EPS8L2: variants seen among roughly 807,000 people sequenced by gnomAD.
EPS8L2 encodes EPS8 signaling adaptor L2.
EPS8L2 carries 81 observed loss-of-function variants against 99.4 expected under a neutral mutation model. The ratio of observed to expected loss-of-function variants is 0.82; its 90% CI spans 0.68 to 0.98. EPS8L2 has a LOEUF of 0.98. Among genes scored for constraint, EPS8L2 ranks in the 50% least tolerant of loss-of-function variants. EPS8L2 has a pLI of 0.00. For missense variants in EPS8L2, 1,155 were observed against 968.8 expected (o/e 1.19, Z -2.55); for synonymous variants, 509 against 407.3 (o/e 1.25, Z -3.01).
chr11:712,212 G>A (rs1420775200), intron 4 of EPS8L2, among the ~76,000 whole-genome samples: 2 of 151,932 alleles, frequency 1.3e-5, no homozygotes, highest in Admixed American at 6.6e-5. Context: ...CTAGAACCCG[G>A]GAAATGGAGG....
rs140531269 is a variant in EPS8L2, at chr11:719,983, C to T, written c.166-79C>T. 6.2e-5 allele frequency: 91 copies of T among 1,466,540 alleles called. 1 individual carries two copies. In the African/African-American group the frequency reaches 1.2e-3, roughly 19 times the overall value. 90.8% of individuals were successfully genotyped at this position (1,466,540 alleles called of 1,614,324 possible). ...AGGGTTGGCTGTGGCCCCTCAGCCCCTCAGGCTGTGGCCCCTGGGGGCTGG... is the reference window on the plus strand; with the variant it reads ...AGGGTTGGCTGTGGCCCCTCAGCCCTTCAGGCTGTGGCCCCTGGGGGCTGG... On this transcript the variant is annotated intron_variant, in intron 4 of 20. Coordinates refer to ENST00000318562, the MANE Select transcript of EPS8L2 (RefSeq NM_022772.4).
chr11:720,978 G>GCCGGCAGGGGCGGGGGGGGGC, intron 7 of EPS8L2, 69 bp downstream of exon 7: 1 of 1,097,672 alleles, frequency 9.1e-7, no homozygotes, highest in Non-Finnish European at 1.2e-6. Context: ...GAGGGGAGGA[G>GCCGGCAGGGGCGGGGGGGGGC]CCGGCAGGGG....
intron 14 of EPS8L2, 41 bp from the exon 15 acceptor site, chr11:723,200 C>A: frequency 9.0e-7 from 1 of 1,114,570 alleles, no homozygotes; most frequent in Non-Finnish European, 1.3e-6. Flanking sequence ...GGGACCCAGC[C>A]CCGCCCCATG....
At chr11:712,583 T>G (rs12271688) in intron 4 of EPS8L2, among the ~76,000 whole-genome samples, 6,677 of 152,300 alleles carry the variant, frequency 0.044, 212 homozygotes, top group African/African-American at 0.091. Flanking sequence ...TGGGTCCTCC[T>G]GCAGGACCAG....
At chr11:718,986 GAC>G (rs1195663676) in intron 4 of EPS8L2, among the ~76,000 whole-genome samples, 1 of 128,522 alleles carries the variant, frequency 7.8e-6, no homozygotes, top group East Asian at 2.3e-4. Context: ...TTTTTTTTGA[GAC>G]AGAGTCTTCC....
At chr11:723,063 G>A (rs1293430952) in intron 14 of EPS8L2, among the ~76,000 whole-genome samples, 178 bp from the exon 15 acceptor site, 1 of 125,668 alleles carries the variant, frequency 8.0e-6, no homozygotes, top group Admixed American at 8.2e-5. Context: ...CCACAGCTCA[G>A]CTGCCCCTAG....
In EPS8L2 at chr11:721,582, C is replaced by T. The variant is rs1862174779; in HGVS notation, c.786C>T (p.Ala262=). ...IEKETQILNC[A]LDDIEWFVAR... Reference sequence around the variant, plus strand: ...GACCCCAGCAAATCCTCAACTGCGCCCTGGACGACATCGAGTGGTTTGTGG... The same window carrying T: ...GACCCCAGCAAATCCTCAACTGCGCTCTGGACGACATCGAGTGGTTTGTGG... Residue 262 remains alanine, a synonymous_variant, in exon 10 of 21, where the codon GCC becomes GCT. Coordinates refer to ENST00000318562, the MANE Select transcript of EPS8L2 (RefSeq NM_022772.4). 1 of 1,566,962 alleles carries T rather than the reference C, an allele frequency of 6.4e-7. No individual in the cohort carries two copies. Among genetic ancestry groups the T allele is most frequent in the Non-Finnish European group, 8.6e-7 (1 of 1,160,756 alleles).
In EPS8L2 at chr11:724,754, G is replaced by A. The variant is rs1242041758; in HGVS notation, c.1485G>A (p.Lys495=). ...ACCAGCCAACACCAGCCATGGCCAAGTACGTCAAGATCCTGTATGACTTCA... is the reference window on the plus strand; with the variant it reads ...ACCAGCCAACACCAGCCATGGCCAAATACGTCAAGATCCTGTATGACTTCA... ...RGYQPTPAMA[K]YVKILYDFTA... Residue 495 remains lysine, a synonymous_variant, in exon 16 of 21, where the codon AAG becomes AAA. Coordinates refer to ENST00000318562, the MANE Select transcript of EPS8L2 (RefSeq NM_022772.4). The surrounding 1 kb of genome is among the most constrained non-coding windows in gnomAD (Gnocchi z 5.5). 1 of 1,613,602 alleles carries A rather than the reference G, an allele frequency of 6.2e-7. No homozygotes were observed. Among genetic ancestry groups the A allele is most frequent in the East Asian group, 2.2e-5 (1 of 44,886 alleles).
intron 4 of EPS8L2, among the ~76,000 whole-genome samples, chr11:718,938 G>A (rs1420165082): frequency 6.7e-6 from 1 of 149,682 alleles, no homozygotes; most frequent in Non-Finnish European, 1.5e-5. Context: ...AAAGTGCTAG[G>A]ATTACAGGCA....
Position 726,369 on chromosome 11 carries a change from C to T in EPS8L2, c.1819C>T (p.Gln607Ter). ...LIRKISNIRAQPQRHFRVERS... is the reference protein window; with the variant it reads ...LIRKISNIRA ...CCGGAAAATCAGCAACATCAGGGCGCAGCCACAGAGGCACTTCCGCGTGGA... is the reference window on the plus strand; with the variant it reads ...CCGGAAAATCAGCAACATCAGGGCGTAGCCACAGAGGCACTTCCGCGTGGA... The change falls in exon 19 of 21, where the codon CAG becomes TAG. Residue 607 changes from glutamine to a stop codon, truncating the protein, a stop_gained. Transcript: ENST00000318562. LOFTEE classifies it high-confidence loss of function. The T allele has an allele frequency of 6.2e-7, 1 of 1,610,972 alleles. No homozygotes were observed. The highest frequency in any genetic ancestry group is 8.5e-7 in the Non-Finnish European group (1 of 1,179,278).
intron 4 of EPS8L2, among the ~76,000 whole-genome samples, chr11:715,007 C>T (rs965393505): frequency 2.6e-5 from 4 of 152,064 alleles, no homozygotes; most frequent in African/African-American, 9.7e-5. Flanking sequence ...CTTTGGGAGG[C>T]TGAGGTGGGC....
chr11:725,931 C>T, intron 17 of EPS8L2, 84 bp downstream of exon 17: 2 of 1,382,480 alleles, frequency 1.4e-6, no homozygotes, highest in Non-Finnish European at 1.9e-6. Context: ...CCAAGGCCAG[C>T]CCCGCGGCTG....
chr11:724,748 G>A lies in EPS8L2; in HGVS notation c.1479G>A (p.Met493Ile), dbSNP rs759101308. ...THRGYQPTPA[M>I]AKYVKILYDF... The stretch of plus-strand genomic sequence containing the variant: ...GGGGCTACCAGCCAACACCAGCCAT[G>A]GCCAAGTACGTCAAGATCCTGTATG... Residue 493 changes from methionine (M) to isoleucine (I), a missense_variant, in exon 16 of 21, where the codon ATG (methionine) becomes ATA (isoleucine). Transcript: ENST00000318562. This position sits in a 1 kb window ranked among gnomAD's most constrained non-coding sequence, Gnocchi z 5.5. 2.0e-5 allele frequency: 32 copies of A among 1,613,512 alleles called. No individual in the cohort carries two copies. The South Asian group carries it at 3.3e-4, about 17-fold the overall frequency.
chr11:712,924 T>G (rs1414102844), intron 4 of EPS8L2, among the ~76,000 whole-genome samples: 1 of 152,208 alleles, frequency 6.6e-6, no homozygotes, highest in Non-Finnish European at 1.5e-5. Context: ...ACCACCTTTC[T>G]CAGGGACTCT....
intron 17 of EPS8L2, 52 bp downstream of exon 17, chr11:725,899 C>A: frequency 7.3e-7 from 1 of 1,366,028 alleles, no homozygotes. Flanking sequence ...CTGGAGCAGC[C>A]CCGCCTGCGC....
chr11:724,885 A>G lies in EPS8L2; in HGVS notation c.1560+56A>G. 3.1e-6 allele frequency: 4 copies of G among 1,274,576 alleles called. No homozygotes were observed. Among genetic ancestry groups the G allele is most frequent in the Non-Finnish European group, 3.4e-6 (3 of 879,646 alleles). The allele number at this position is 1,274,576 out of a possible 1,614,324, so 79.0% of individuals were successfully genotyped here. A position where few individuals can be genotyped will look rare whatever the true frequency, so the allele number is the denominator to read the frequency against. On this transcript the variant is annotated intron_variant, in intron 16 of 20. Transcript: ENST00000318562. The surrounding 1 kb of genome is among the most constrained non-coding windows in gnomAD (Gnocchi z 5.5). ...GGGAAACAGGGCAGGGCTTCAAGGG[A>G]GGGGCTACCAGGGGAGGTGGGGAGC...
Position 723,245 on chromosome 11 carries a change from G to C in EPS8L2, c.1346G>C (p.Ser449Thr), listed in dbSNP as rs768640571. 1.8e-5 allele frequency: 29 copies of C among 1,598,978 alleles called. 1 individual carries two copies. In the South Asian group the frequency reaches 3.1e-4, roughly 17 times the overall value. Residue 449 changes from serine (S) to threonine (T), a missense_variant, in exon 15 of 21, where the codon AGT becomes ACT. Physicochemically the swap from Ser to Thr is moderately conservative, Grantham distance 58. Transcript: ENST00000318562. ...GLASAPIEEV[S>T]PVSRQSIRNS... is the part of the protein sequence containing the mutation. ...GGTCGCCCACCTTCCCCACAGGTGA[G>C]TCCAGTGAGCCGACAGTCCATAAGA... is the stretch of plus-strand genomic sequence containing the variant.
chr11:709,724 C>T (rs994228040), intron 3 of EPS8L2, 116 bp downstream of exon 3: 26 of 1,285,314 alleles, frequency 2.0e-5, no homozygotes, highest in African/African-American at 8.8e-5. Flanking sequence ...AGGGGATCTC[C>T]GGGTGCCCAG....
At chr11:721,817 CCA>C in intron 10 of EPS8L2, 84 bp from the exon 11 acceptor site, 12 of 1,520,424 alleles carry the variant, frequency 7.9e-6, no homozygotes, top group Non-Finnish European at 9.9e-6. Flanking sequence ...AAGGTCCAGC[CCA>C]CACAGATGGG....
Sources: gnomAD v4.1 joint callset for allele counts (sites outside exome capture counted in the v4.1 genomes callset) on GRCh38, gnomAD v4.1.1 for gene constraint, Gnocchi (gnomAD v3.1) non-coding constraint, MANE v1.5 for transcripts, NCBI Gene and HGNC (gene_info 2026-07-23, HGNC 2026-07-21) for gene names.